The following VWA8 variants were observed in gnomAD, a reference collection of about 807,000 sequenced individuals.
VWA8 encodes the protein von Willebrand factor A domain-containing protein 8.
Under a neutral mutation model 241.5 loss-of-function variants are expected in VWA8, and 221 were observed. The observed-to-expected ratio is 0.91, with a 90% CI of 0.82 to 1.02. The LOEUF (loss-of-function observed/expected upper bound fraction) is 1.02. Among genes scored for constraint, VWA8 ranks in the 50% least tolerant of loss-of-function variants. VWA8 has a pLI of 0.00. For synonymous variants in VWA8, 852 were observed against 827.1 expected, an observed-to-expected ratio of 1.03 and a Z score of -0.52; for missense variants, 2,322 against 2,328.7, an observed-to-expected ratio of 1.00 and a Z score of 0.06.
chr13:41,829,915 C>T (rs560947803), intron 14 of VWA8, among the ~76,000 whole-genome samples: 1 of 152,060 alleles, frequency 6.6e-6, no homozygotes, highest in Admixed American at 6.6e-5. Flanking sequence ...CCATCTGTGC[C>T]CCAAAAACTA....
chr13:41,744,902 A>G (rs2045593121), intron 21 of VWA8, among the ~76,000 whole-genome samples: 1 of 152,028 alleles, frequency 6.6e-6, no homozygotes, highest in Admixed American at 6.6e-5. Flanking sequence ...CAGTGGCGCA[A>G]TCTCGGCATA....
intron 4 of VWA8, among the ~76,000 whole-genome samples, chr13:41,900,880 G>T (rs1593856537): frequency 1.3e-5 from 2 of 152,174 alleles, no homozygotes; most frequent in East Asian, 3.9e-4. Context: ...CATCAGAATA[G>T]AATCGGATTG....
chr13:41,671,116 G>A lies in VWA8; in HGVS notation c.4441C>T (p.Leu1481=). 6.2e-7 allele frequency: 1 copy of A among 1,613,926 alleles called. No individual in the cohort carries two copies. The highest frequency in any genetic ancestry group is 8.5e-7 in the Non-Finnish European group (1 of 1,179,822). ...SESLSPYTTW[L]STISDTDALL... Reference sequence around the variant, plus strand: ...GCATCTGTGTCTGAAATGGTCGACAGCCATGTGGTATACGGCGAGAGAGAT... The same window carrying A: ...GCATCTGTGTCTGAAATGGTCGACAACCATGTGGTATACGGCGAGAGAGAT... Residue 1481 remains leucine (L), a synonymous_variant, in exon 37 of 45, where the codon CTG becomes TTG. Coordinates refer to ENST00000379310, the MANE Select transcript of VWA8 (RefSeq NM_015058.2).
intron 2 of VWA8, among the ~76,000 whole-genome samples, chr13:41,947,350 T>C (rs1440467886): frequency 1.3e-5 from 2 of 152,338 alleles, no homozygotes; most frequent in East Asian, 3.8e-4. Context: ...TGGCATGAGA[T>C]GAGACTAAGA....
chr13:41,869,310 G>A (rs1412361129), intron 9 of VWA8, among the ~76,000 whole-genome samples: 1 of 151,994 alleles, frequency 6.6e-6, no homozygotes, highest in Non-Finnish European at 1.5e-5. Context: ...CTACACTATA[G>A]GGGTCTCAAT....
intron 21 of VWA8, among the ~76,000 whole-genome samples, chr13:41,755,923 GAAC>G (rs2045691655): frequency 1.3e-5 from 2 of 151,606 alleles, no homozygotes; most frequent in African/African-American, 2.4e-5. Context: ...TTTTTTAAAA[GAAC>G]AACACGTGAA....
intron 2 of VWA8, among the ~76,000 whole-genome samples, chr13:41,948,627 T>C (rs1344186397): frequency 6.6e-6 from 1 of 152,192 alleles, no homozygotes; most frequent in Non-Finnish European, 1.5e-5. Flanking sequence ...AGAACATCAC[T>C]GTCGGTCAAA....
At chr13:41,598,353 CCT>C (rs1477281508) in intron 40 of VWA8, among the ~76,000 whole-genome samples, 1 of 151,446 alleles carries the variant, frequency 6.6e-6, no homozygotes, top group African/African-American at 2.4e-5. Flanking sequence ...GAATTTAGGC[CCT>C]GTTTATTAAA....
chr13:41,692,927 G>C lies in VWA8; in HGVS notation c.3610C>G (p.Arg1204Gly), dbSNP rs372315714. The C allele has an allele frequency of 3.7e-6, 6 of 1,611,216 alleles. No individual in the cohort carries two copies. Among genetic ancestry groups the C allele is most frequent in the Non-Finnish European group, 5.1e-6 (6 of 1,178,288 alleles). ...AACTTCTCGGAAGGGAGGATGAGAC[G>C]ATGAAGGGCCCGGCCAGTAGTATCT... is the stretch of plus-strand genomic sequence containing the variant. ...LLDTTGRALHRLILPSEKFTS... is the reference protein window; with the variant it reads ...LLDTTGRALHGLILPSEKFTS... The change falls in exon 30 of 45, where the codon CGT becomes GGT. Residue 1204 changes from arginine to glycine, a missense_variant. By Grantham distance (125) the Arg-to-Gly change is moderately radical (BLOSUM62 -2). Coordinates refer to ENST00000379310, the MANE Select transcript of VWA8 (RefSeq NM_015058.2).
At chr13:41,836,289 G>A (rs972502276) in intron 12 of VWA8, among the ~76,000 whole-genome samples, 1 of 152,188 alleles carries the variant, frequency 6.6e-6, no homozygotes, top group Non-Finnish European at 1.5e-5. Context: ...GGAATTCAGA[G>A]AGGAGATGGC....
chr13:41,609,717 C>G (rs2044575095), intron 39 of VWA8, among the ~76,000 whole-genome samples: 1 of 152,120 alleles, frequency 6.6e-6, no homozygotes, highest in Admixed American at 6.6e-5. Context: ...TTCTCAGGAT[C>G]TCCATGTGTT....
chr13:41,691,505 G>C, intron 31 of VWA8, 60 bp from the exon 32 acceptor site: 1 of 1,573,624 alleles, frequency 6.4e-7, no homozygotes, highest in Non-Finnish European at 8.6e-7. Flanking sequence ...TGAGTAATCT[G>C]GCATAATCAT....
chr13:41,918,190 G>GA (rs545768146), intron 2 of VWA8, among the ~76,000 whole-genome samples: 33 of 152,156 alleles, frequency 2.2e-4, no homozygotes, highest in African/African-American at 7.7e-4. Context: ...GACATCAAAA[G>GA]AAAAATACAT....
intron 1 of VWA8, among the ~76,000 whole-genome samples, chr13:41,953,079 G>A (rs1356912895): frequency 1.3e-5 from 2 of 152,054 alleles, no homozygotes; most frequent in Admixed American, 1.3e-4. Context: ...AACTAAAAGT[G>A]GAAATAGAAA....
At position 41,643,560 on chromosome 13, in the gene VWA8, T is replaced by C. The variant is rs76060909; in HGVS notation, c.4611+27386A>G. Among the ~76,000 whole-genome samples the C allele has an allele frequency of 3.9e-3, 595 of 152,336 alleles. 8 individuals carry two copies. The highest frequency in any genetic ancestry group is 0.013 in the African/African-American group (536 of 41,572). ...ACTTCTACCCTGCCACTTTCCACTA[T>C]TAACAGGGCTTAGGGAGCTAACGTT... On this transcript the variant is annotated intron_variant, in intron 37 of 44. Coordinates refer to ENST00000379310, the MANE Select transcript of VWA8 (RefSeq NM_015058.2).
intron 3 of VWA8, among the ~76,000 whole-genome samples, chr13:41,908,583 T>C (rs552758843): frequency 6.8e-6 from 1 of 146,554 alleles, no homozygotes; most frequent in South Asian, 2.2e-4. Context: ...AAGGAGGTGA[T>C]GAAAAAGGAG....
In VWA8 at chr13:41,567,431, T is replaced by C. The variant is rs941060345; in HGVS notation, c.*766A>G. On this transcript the variant is annotated 3_prime_UTR_variant, in exon 45 of 45. Transcript: ENST00000379310. Reference sequence around the variant, plus strand: ...GGACCCCAAAATGGAGTACTGTGAATTTTTTGAGAGATGCTAGAAGAACAG... The same window carrying C: ...GGACCCCAAAATGGAGTACTGTGAACTTTTTGAGAGATGCTAGAAGAACAG... The C allele has an allele frequency of 1.1e-4, 16 of 152,218 alleles. No homozygotes were observed. Among genetic ancestry groups the C allele is most frequent in the Admixed American group, 9.2e-4 (14 of 15,284 alleles). The allele number at this position is 152,218 out of a possible 1,614,324, so 9.4% of individuals were successfully genotyped here.
At chr13:41,725,468 C>T (rs1196452156) in intron 24 of VWA8, among the ~76,000 whole-genome samples, 1 of 152,096 alleles carries the variant, frequency 6.6e-6, no homozygotes, top group Non-Finnish European at 1.5e-5. Context: ...TAAGATAAGA[C>T]TGCTGGAATA....
chr13:41,877,894 T>TA (rs1318863991), intron 9 of VWA8, among the ~76,000 whole-genome samples: 21 of 152,132 alleles, frequency 1.4e-4, no homozygotes, highest in Admixed American at 1.4e-3. Flanking sequence ...AACATGTTTT[T>TA]AGAGTATGAA....
Sources: allele counts gnomAD v4.1 joint callset (sites outside exome capture counted in the v4.1 genomes callset), GRCh38; gene constraint gnomAD v4.1.1; transcripts MANE v1.5; gene names NCBI Gene and HGNC (gene_info 2026-07-23, HGNC 2026-07-21).